The following NIPSNAP3B variants were observed in gnomAD, a reference collection of about 807,000 sequenced individuals.
NIPSNAP3B encodes the protein nipsnap homolog 3B, also known as protein NipSnap homolog 3B.
NIPSNAP3B carries 30 observed loss-of-function variants against 31.5 expected under a neutral mutation model. The ratio of observed to expected loss-of-function variants is 0.95; its 90% CI spans 0.71 to 1.29. The LOEUF is 1.29. Ranked by LOEUF, NIPSNAP3B falls within the 50% of genes most tolerant of loss-of-function variation. The pLI is 0.00. For missense variants in NIPSNAP3B, 269 were observed against 300.7 expected (o/e 0.89, Z 0.78); for synonymous variants, 106 against 107.9 (o/e 0.98, Z 0.11).
In NIPSNAP3B at chr9:104,764,227, G is replaced by C; in HGVS notation, c.-14G>C. On this transcript the variant is annotated 5_prime_UTR_variant, in exon 1 of 6. Transcript: ENST00000374762. ...GACTCGGCTGGCTGCTTTTCTCAGT[G>C]CCGAAGCCGCGCCATGCTCGTTCTC... The C allele has an allele frequency of 1.3e-6, 2 of 1,599,568 alleles. No homozygotes were observed. Among genetic ancestry groups the C allele is most frequent in the South Asian group, 2.3e-5 (2 of 88,522 alleles).
chr9:104,787,829 C>G, the NIPSNAP3B span: 4 of 1,612,786 alleles, frequency 2.5e-6, no homozygotes, highest in Non-Finnish European at 3.4e-6. Context: ...ACAAGCCAAT[C>G]ATACAACAGC....
intron 1 of NIPSNAP3B, 101 bp downstream of exon 1, chr9:104,764,401 T>C (rs969773002): frequency 2.9e-5 from 31 of 1,052,284 alleles, no homozygotes; most frequent in Middle Eastern, 3.1e-4. Flanking sequence ...CTCCCAGACC[T>C]GGGGCCCCGC....
chr9:104,778,254 G>C (rs1251274543), downstream of NIPSNAP3B, among the ~76,000 whole-genome samples: 1 of 151,626 alleles, frequency 6.6e-6, no homozygotes, highest in Non-Finnish European at 1.5e-5. Context: ...TTTTTAGATG[G>C]AGTTTCGCTC....
rs1426050657 is a variant in NIPSNAP3B, at chr9:104,770,932, C to T, written c.514C>T (p.His172Tyr). Residue 172 changes from histidine (H) to tyrosine (Y), a missense_variant, in exon 4 of 6, where the codon CAT becomes TAT. By Grantham distance (83) the His-to-Tyr change is moderately conservative. Transcript: ENST00000374762. ...TGCATTTGAAAGAGCAATTAATGCCCATGTCAATTTAGGCTACACAAAAGT... is the reference window on the plus strand; with the variant it reads ...TGCATTTGAAAGAGCAATTAATGCCTATGTCAATTTAGGCTACACAAAAGT... ...GDAFERAINA[H>Y]VNLGYTKVVG... 1.2e-6 allele frequency: 2 copies of T among 1,613,866 alleles called. No homozygotes were observed. Among genetic ancestry groups the T allele is most frequent in the Non-Finnish European group, 8.5e-7 (1 of 1,179,800 alleles).
At chr9:104,789,465 C>T in the NIPSNAP3B span, among the ~76,000 whole-genome samples, 3,583 of 152,282 alleles carry the variant, frequency 0.024, 129 homozygotes, top group African/African-American at 0.082. Flanking sequence ...GAGAGGAGAT[C>T]ATGAATACAT....
At chr9:104,782,008 T>C (rs973487518), downstream of NIPSNAP3B, 6 of 152,320 alleles carry the variant, frequency 3.9e-5, no homozygotes, top group South Asian at 8.3e-4. Flanking sequence ...AAATGTTGTG[T>C]TTTCTTCAAA....
chr9:104,786,804 AATGATCGC>A, the NIPSNAP3B span: 3 of 1,359,586 alleles, frequency 2.2e-6, no homozygotes, highest in Admixed American at 1.7e-5. Flanking sequence ...ATTTTTACAA[AATGATCGC>A]ATATTCTACT....
downstream of NIPSNAP3B, chr9:104,781,468 C>T (rs963855787): frequency 1.3e-5 from 2 of 152,572 alleles, no homozygotes; most frequent in African/African-American, 2.4e-5. Flanking sequence ...TATTACATGA[C>T]ACATGGCTCT....
At chr9:104,785,287 A>G in the NIPSNAP3B span, 1 of 1,442,884 alleles carries the variant, frequency 6.9e-7, no homozygotes, top group South Asian at 1.2e-5. Flanking sequence ...TAGATCAGGA[A>G]TTCAAGCACC....
At position 104,767,197 on chromosome 9, in the gene NIPSNAP3B, A is replaced by C. The variant is rs77187998; in HGVS notation, c.271+662A>C. Among the ~76,000 whole-genome samples the C allele has an allele frequency of 6.7e-3, 1,016 of 152,132 alleles. 7 individuals are homozygous for C. The highest frequency in any genetic ancestry group is 0.01 in the Non-Finnish European group (699 of 67,942). Reference sequence around the variant, plus strand: ...ATAGTTAACTTTTAAGCGTCACCCAACTCTGAGATTTAATAATTCTGTTAT... The same window carrying C: ...ATAGTTAACTTTTAAGCGTCACCCACCTCTGAGATTTAATAATTCTGTTAT... On this transcript the variant is annotated intron_variant, in intron 2 of 5. Coordinates refer to ENST00000374762, the MANE Select transcript of NIPSNAP3B (RefSeq NM_018376.4).
At chr9:104,769,407 T>A (rs1828161639) in intron 3 of NIPSNAP3B, among the ~76,000 whole-genome samples, 1 of 134,368 alleles carries the variant, frequency 7.4e-6, no homozygotes, top group Non-Finnish European at 1.5e-5. Flanking sequence ...TGAGCCGAGA[T>A]CTCGCCACTG....
chr9:104,781,644 G>A (rs748523994), downstream of NIPSNAP3B: 2 of 152,584 alleles, frequency 1.3e-5, no homozygotes, highest in Non-Finnish European at 2.9e-5. Context: ...AGGTTTGGTT[G>A]TTTTTTAACA....
Position 104,764,250 on chromosome 9 carries a change from C to T in NIPSNAP3B, c.10C>T (p.Leu4Phe). 7 of 1,601,910 alleles carry T rather than the reference C, an allele frequency of 4.4e-6. No homozygotes were observed. The highest frequency in any genetic ancestry group is 6.0e-6 in the Non-Finnish European group (7 of 1,176,024). The change falls in exon 1 of 6, where the codon CTC becomes TTC. Residue 4 changes from leucine (L) to phenylalanine (F), a missense_variant. Coordinates refer to ENST00000374762, the MANE Select transcript of NIPSNAP3B (RefSeq NM_018376.4). MLV[L>F]RSGLTKALAS... ...GTGCCGAAGCCGCGCCATGCTCGTTCTCAGAAGCGGCCTGACCAAGGCGCT... is the reference window on the plus strand; with the variant it reads ...GTGCCGAAGCCGCGCCATGCTCGTTTTCAGAAGCGGCCTGACCAAGGCGCT...
intron 2 of NIPSNAP3B, among the ~76,000 whole-genome samples, chr9:104,768,507 T>C (rs1419058956): frequency 1.3e-5 from 2 of 152,230 alleles, no homozygotes; most frequent in African/African-American, 4.8e-5. Context: ...CTAATTCATT[T>C]AATCCTCACA....
chr9:104,788,135 T>A, the NIPSNAP3B span: 1 of 1,446,600 alleles, frequency 6.9e-7, no homozygotes, highest in Non-Finnish European at 9.7e-7. Flanking sequence ...GTATGAAAGT[T>A]CTTTCACTGA....
downstream of NIPSNAP3B, among the ~76,000 whole-genome samples, chr9:104,779,420 T>C (rs1208707226): frequency 6.6e-6 from 1 of 150,790 alleles, no homozygotes; most frequent in Non-Finnish European, 1.5e-5. Context: ...TTTTACAAGG[T>C]CAATTTTAAC....
chr9:104,790,208 C>G, the NIPSNAP3B span, among the ~76,000 whole-genome samples: 4 of 152,024 alleles, frequency 2.6e-5, no homozygotes, highest in African/African-American at 4.8e-5. Context: ...GCTTTGTGAC[C>G]TGTGCAGTCT....
chr9:104,789,528 C>A, the NIPSNAP3B span, among the ~76,000 whole-genome samples: 6 of 152,162 alleles, frequency 3.9e-5, no homozygotes, highest in Non-Finnish European at 5.9e-5. Context: ...CCAGTGTGTT[C>A]AAATTGTGAG....
At chr9:104,772,974 C>G in intron 5 of NIPSNAP3B, 23 bp from the exon 6 acceptor site, 1 of 1,613,968 alleles carries the variant, frequency 6.2e-7, no homozygotes, top group South Asian at 1.1e-5. Context: ...AACTGTATGC[C>G]TTCTTATGAA....
Sources: gnomAD v4.1 joint callset for allele counts (sites outside exome capture counted in the v4.1 genomes callset) on GRCh38, gnomAD v4.1.1 for gene constraint, MANE v1.5 for transcripts, NCBI Gene and HGNC (gene_info 2026-07-23, HGNC 2026-07-21) for gene names.